The following WNT3A variants were observed in gnomAD, a reference collection of about 807,000 sequenced individuals.
WNT3A encodes protein Wnt-3a.
In WNT3A, 17 loss-of-function variants were observed where a neutral mutation model predicts 37.0. That is an observed-to-expected ratio of 0.46 (90% CI 0.31 to 0.69). WNT3A has a LOEUF of 0.69. WNT3A is among the 30% of genes least tolerant of loss of function. WNT3A has a pLI of 0.05. For synonymous variants in WNT3A, 187 were observed against 211.0 expected (o/e 0.89, Z 0.99); for missense variants, 411 against 510.2 (o/e 0.81, Z 1.87).
intron 2 of WNT3A, among the ~76,000 whole-genome samples, chr1:228,032,290 T>C (rs1017687244): frequency 6.6e-6 from 1 of 152,188 alleles, no homozygotes; most frequent in African/African-American, 2.4e-5. Flanking sequence ...GGGGAGCCTG[T>C]GCATCACTGT....
intron 1 of WNT3A, among the ~76,000 whole-genome samples, chr1:228,017,793 T>C (rs2030576127): frequency 1.3e-5 from 2 of 152,216 alleles, no homozygotes; most frequent in African/African-American, 4.8e-5. Context: ...GGAGCTTGCA[T>C]AGCAAGATGC....
intron 2 of WNT3A, among the ~76,000 whole-genome samples, chr1:228,033,662 T>C (rs1441177703): frequency 6.6e-6 from 1 of 152,238 alleles, no homozygotes; most frequent in Non-Finnish European, 1.5e-5. Flanking sequence ...TACAGTTCCA[T>C]GTGAGTTTTA....
intron 1 of WNT3A, among the ~76,000 whole-genome samples, chr1:228,015,930 G>C (rs543607804): frequency 1.3e-5 from 2 of 152,234 alleles, no homozygotes; most frequent in South Asian, 4.2e-4. Context: ...CACCAGGCAG[G>C]ACAGTGGCCA....
chr1:228,018,560 C>T (rs1036382686), intron 1 of WNT3A, among the ~76,000 whole-genome samples: 1 of 152,024 alleles, frequency 6.6e-6, no homozygotes, highest in Non-Finnish European at 1.5e-5. Context: ...ACCCAGCTAA[C>T]CTTTGTATTT....
At position 228,059,282 on chromosome 1, in the gene WNT3A, G is replaced by C; in HGVS notation, c.876G>C (p.Thr292=). ...EPNPETGSFG[T]RDRTCNVSSH... ...ACCCTGAGACGGGCTCCTTCGGCAC[G>C]CGCGACCGCACCTGCAACGTCAGCT... The change falls in exon 4 of 4, where the codon ACG becomes ACC. Residue 292 remains threonine (T), a synonymous_variant. Coordinates refer to ENST00000284523, the MANE Select transcript of WNT3A (RefSeq NM_033131.4). The C allele has an allele frequency of 6.3e-7, 1 of 1,593,234 alleles. No individual in the cohort carries two copies. Among genetic ancestry groups the C allele is most frequent in the Non-Finnish European group, 8.5e-7 (1 of 1,173,798 alleles).
In WNT3A at chr1:228,039,065, G is replaced by A. The variant is rs1432811382; in HGVS notation, c.314-11591G>A. 9.9e-5 allele frequency among the ~76,000 whole-genome samples: 15 copies of A among 152,110 alleles called. No homozygotes were observed. The highest frequency in any genetic ancestry group is 3.6e-4 in the African/African-American group (15 of 41,412). ...CTGGCCACCATGGAGTCCTGCCCTC[G>A]GCCAGTGCATCCCTGCCAGAGCTGG... On this transcript the variant is annotated intron_variant, in intron 2 of 3. Transcript: ENST00000284523. This position sits in a 1 kb window ranked among gnomAD's most constrained non-coding sequence, Gnocchi z 4.1.
chr1:228,045,380 C>G (rs2031377968), intron 2 of WNT3A, among the ~76,000 whole-genome samples: 1 of 152,180 alleles, frequency 6.6e-6, no homozygotes, highest in South Asian at 2.1e-4. Context: ...AAGGTCCGGC[C>G]AGGAGGGCAG....
In WNT3A at chr1:228,060,392, C is replaced by A; in HGVS notation, c.*927C>A. The A allele has an allele frequency of 1.0e-6, 1 of 1,001,318 alleles. No homozygotes were observed. Among genetic ancestry groups the A allele is most frequent in the Non-Finnish European group, 1.4e-6 (1 of 727,412 alleles). 62.0% of individuals were successfully genotyped at this position (1,001,318 alleles called of 1,614,324 possible). A position where few individuals can be genotyped will look rare whatever the true frequency, so the allele number is the denominator to read the frequency against. On this transcript the variant is annotated 3_prime_UTR_variant, in exon 4 of 4. Coordinates refer to ENST00000284523, the MANE Select transcript of WNT3A (RefSeq NM_033131.4). ...TTGGAATGCTCCAGGCGCGCCGACGCCTGTGCCACCCCTTCCTCAGCCTGG... is the reference window on the plus strand; with the variant it reads ...TTGGAATGCTCCAGGCGCGCCGACGACTGTGCCACCCCTTCCTCAGCCTGG...
intron 3 of WNT3A, among the ~76,000 whole-genome samples, chr1:228,053,757 G>A (rs1033827220): frequency 6.6e-6 from 1 of 152,220 alleles, no homozygotes; most frequent in African/African-American, 2.4e-5. Flanking sequence ...TCAAGAAAAT[G>A]CTGTGAGAAC....
Position 228,050,859 on chromosome 1 carries a change from C to G in WNT3A, c.517C>G (p.Arg173Gly). 6.3e-7 allele frequency: 1 copy of G among 1,591,250 alleles called. No homozygotes were observed. The highest frequency in any genetic ancestry group is 8.6e-7 in the Non-Finnish European group (1 of 1,166,538). ...GMVSREFADA[R>G]ENRPDARSAM... ...GGTGTCTCGGGAGTTCGCCGACGCC[C>G]GGGAGAACCGGCCAGATGCCCGCTC... Residue 173 changes from arginine (R) to glycine (G), a missense_variant, in exon 3 of 4, where the codon CGG becomes GGG. Arg to Gly is a moderately radical substitution (Grantham distance 125). Transcript: ENST00000284523. This position sits in a 1 kb window ranked among gnomAD's most constrained non-coding sequence, Gnocchi z 5.0.
intron 3 of WNT3A, among the ~76,000 whole-genome samples, chr1:228,056,879 C>T (rs968095289): frequency 1.3e-5 from 2 of 152,108 alleles, no homozygotes; most frequent in Admixed American, 6.5e-5. Context: ...ACTTTTTGAA[C>T]TCCAAGATGT....
chr1:228,050,162 C>T lies in WNT3A; in HGVS notation c.314-494C>T, dbSNP rs558809663. 6.6e-6 allele frequency among the ~76,000 whole-genome samples: 1 copy of T among 152,072 alleles called. No individual in the cohort carries two copies. The highest frequency in any genetic ancestry group is 2.1e-4 in the South Asian group (1 of 4,808). On this transcript the variant is annotated intron_variant, in intron 2 of 3. Transcript: ENST00000284523. This position sits in a 1 kb window ranked among gnomAD's most constrained non-coding sequence, Gnocchi z 5.0. The stretch of plus-strand genomic sequence containing the variant: ...CACTTCCTGGGCTCAAGTGATCCTC[C>T]CGCCTCAGCCTCCCAAGTAGTTGGG...
At chr1:228,018,479 T>A (rs1489706212) in intron 1 of WNT3A, among the ~76,000 whole-genome samples, 1 of 151,790 alleles carries the variant, frequency 6.6e-6, no homozygotes, top group Non-Finnish European at 1.5e-5. Flanking sequence ...TGTGGCCTTG[T>A]CCTCCTGGGC....
At chr1:228,054,367 A>G (rs2031621752) in intron 3 of WNT3A, among the ~76,000 whole-genome samples, 2 of 151,982 alleles carry the variant, frequency 1.3e-5, no homozygotes, top group South Asian at 2.1e-4. Flanking sequence ...GCTCACACCT[A>G]TAATCCCAGC....
In WNT3A at chr1:228,060,286, A is replaced by G; in HGVS notation, c.*821A>G. 7.4e-7 allele frequency: 1 copy of G among 1,351,458 alleles called. No homozygotes were observed. The highest frequency in any genetic ancestry group is 9.8e-7 in the Non-Finnish European group (1 of 1,021,344). The allele number at this position is 1,351,458 out of a possible 1,614,324, so 83.7% of individuals were successfully genotyped here. On this transcript the variant is annotated 3_prime_UTR_variant, in exon 4 of 4. Coordinates refer to ENST00000284523, the MANE Select transcript of WNT3A (RefSeq NM_033131.4). Reference sequence around the variant, plus strand: ...TAAGGTTCCATCCACCCCTGCGTCGAGCTGGGAAGGTTCCATGAAGCGAGT... The same window carrying G: ...TAAGGTTCCATCCACCCCTGCGTCGGGCTGGGAAGGTTCCATGAAGCGAGT...
In WNT3A at chr1:228,031,172, C is replaced by T. The variant is rs1006727207; in HGVS notation, c.313+8264C>T. Among the ~76,000 whole-genome samples, 8 of 152,302 alleles carry T rather than the reference C, an allele frequency of 5.3e-5. No individual in the cohort carries two copies. The highest frequency in any genetic ancestry group is 1.9e-4 in the African/African-American group (8 of 41,574). On this transcript the variant is annotated intron_variant, in intron 2 of 3. Coordinates refer to ENST00000284523, the MANE Select transcript of WNT3A (RefSeq NM_033131.4). The surrounding 1 kb of genome is among the most constrained non-coding windows in gnomAD (Gnocchi z 4.8). Reference sequence around the variant, plus strand: ...AGAGTGGGGACCCGAGGGTCAGGCTCAGAGTCCGGGCACTGGTCACTGTGG... The same window carrying T: ...AGAGTGGGGACCCGAGGGTCAGGCTTAGAGTCCGGGCACTGGTCACTGTGG...
intron 1 of WNT3A, 119 bp from the exon 2 acceptor site, chr1:228,022,548 G>A: frequency 7.9e-7 from 1 of 1,269,326 alleles, no homozygotes; most frequent in Non-Finnish European, 1.1e-6. Context: ...TTCCTTCATG[G>A]TGGAAGCTGC....
chr1:228,014,107 G>A (rs1416285284), intron 1 of WNT3A, among the ~76,000 whole-genome samples: 1 of 152,174 alleles, frequency 6.6e-6, no homozygotes, highest in Non-Finnish European at 1.5e-5. Flanking sequence ...GTCCGCGAGT[G>A]GGGTGCACTG....
chr1:228,010,636 C>T (rs1052025103), intron 1 of WNT3A, among the ~76,000 whole-genome samples: 4 of 152,242 alleles, frequency 2.6e-5, no homozygotes, highest in Non-Finnish European at 5.9e-5. Flanking sequence ...CCAGCTCCTG[C>T]TGGACTATGG....
Sources: gnomAD v4.1 joint callset for allele counts (sites outside exome capture counted in the v4.1 genomes callset) on GRCh38, gnomAD v4.1.1 for gene constraint, Gnocchi (gnomAD v3.1) non-coding constraint, MANE v1.5 for transcripts, NCBI Gene and HGNC (gene_info 2026-07-23, HGNC 2026-07-21) for gene names.